PARD3: variants seen among roughly 807,000 people sequenced by gnomAD.
PARD3 encodes the protein partitioning defective 3 homolog.
PARD3 carries 75 observed loss-of-function variants against 155.4 expected under a neutral mutation model. The ratio of observed to expected loss-of-function variants is 0.48; its 90% CI spans 0.40 to 0.58. The LOEUF (loss-of-function observed/expected upper bound fraction) is 0.58, where lower values mean the gene tolerates loss of function less well. Among genes scored for constraint, PARD3 ranks in the 20% least tolerant of loss-of-function variants. The pLI is 0.00. For missense variants in PARD3, 1,642 were observed against 1,721.7 expected (o/e 0.95, Z 0.82); for synonymous variants, 576 against 610.5 (o/e 0.94, Z 0.83).
intron 2 of PARD3, among the ~76,000 whole-genome samples, chr10:34,595,133 A>G (rs1404041039): frequency 6.6e-6 from 1 of 152,256 alleles, no homozygotes; most frequent in African/African-American, 2.4e-5. Flanking sequence ...GCTTAAAAGT[A>G]AAAACATTCT....
At chr10:34,315,902 T>C (rs1039540242) in intron 20 of PARD3, among the ~76,000 whole-genome samples, 6 of 152,204 alleles carry the variant, frequency 3.9e-5, no homozygotes, top group African/African-American at 1.4e-4. Context: ...GGCTTTGTGT[T>C]AATATAAGTC....
At chr10:34,424,665 C>A (rs1261790065) in intron 5 of PARD3, among the ~76,000 whole-genome samples, 1 of 152,092 alleles carries the variant, frequency 6.6e-6, no homozygotes, top group African/African-American at 2.4e-5. Context: ...CAGGCGCGCA[C>A]CACCACGCCG....
At chr10:34,686,807 G>A (rs1272399540) in intron 2 of PARD3, among the ~76,000 whole-genome samples, 1 of 151,520 alleles carries the variant, frequency 6.6e-6, no homozygotes, top group Non-Finnish European at 1.5e-5. Context: ...CTAGCACTTT[G>A]GGAGGCTGAG....
chr10:34,466,255 G>T (rs986847296), intron 4 of PARD3, among the ~76,000 whole-genome samples: 1 of 151,994 alleles, frequency 6.6e-6, no homozygotes, highest in African/African-American at 2.4e-5. Context: ...GGGACCCTCG[G>T]CCTCTTCAGG....
At chr10:34,347,160 C>T (rs886426022) in intron 15 of PARD3, among the ~76,000 whole-genome samples, 1 of 152,178 alleles carries the variant, frequency 6.6e-6, no homozygotes, top group African/African-American at 2.4e-5. Flanking sequence ...GCAAAATATA[C>T]CAGTAATAAA....
At chr10:34,605,849 A>ATATCTCCTATATATATC in intron 2 of PARD3, among the ~76,000 whole-genome samples, 1 of 81,504 alleles carries the variant, frequency 1.2e-5, no homozygotes, top group African/African-American at 5.9e-5. Context: ...CTATATATAT[A>ATATCTCCTATATATATC]TATCTCCTAT....
intron 3 of PARD3, among the ~76,000 whole-genome samples, chr10:34,487,298 T>C (rs1362917119): frequency 4.6e-5 from 7 of 152,158 alleles, no homozygotes; most frequent in Non-Finnish European, 8.8e-5. Context: ...TTAGATCTGG[T>C]ACTTTCTCAT....
chr10:34,146,180 T>C (rs564309584), intron 22 of PARD3, among the ~76,000 whole-genome samples: 1 of 152,354 alleles, frequency 6.6e-6, no homozygotes, highest in South Asian at 2.1e-4. Context: ...GAAATAGCTT[T>C]ACTCTCTAAT....
intron 2 of PARD3, among the ~76,000 whole-genome samples, chr10:34,605,916 C>CTA (rs1169710402): frequency 1.2e-5 from 1 of 83,122 alleles, no homozygotes; most frequent in African/African-American, 5.0e-5. Context: ...TATATATCTC[C>CTA]TATATATATA....
intron 5 of PARD3, among the ~76,000 whole-genome samples, chr10:34,414,719 A>C (rs1845490627): frequency 6.6e-6 from 1 of 152,026 alleles, no homozygotes; most frequent in Non-Finnish European, 1.5e-5. Flanking sequence ...AGCAGAGAGG[A>C]CTCGAAACAT....
At chr10:34,532,524 G>C (rs552675555) in intron 2 of PARD3, among the ~76,000 whole-genome samples, 1 of 148,612 alleles carries the variant, frequency 6.7e-6, no homozygotes, top group East Asian at 1.9e-4. Flanking sequence ...TGAACTGTGT[G>C]AAGTGCTGCT....
intron 1 of PARD3, among the ~76,000 whole-genome samples, chr10:34,757,690 CAAGAAAAAAAAAAAGAA>C (rs1362938545): frequency 1.3e-5 from 2 of 149,462 alleles, no homozygotes; most frequent in Non-Finnish European, 3.0e-5. Flanking sequence ...AACCTGTCTC[CAAGAAAAAAAAAAAGAA>C]AAGAAAAGAA....
chr10:34,525,801 C>T (rs1358165595), intron 2 of PARD3, among the ~76,000 whole-genome samples: 1 of 151,712 alleles, frequency 6.6e-6, no homozygotes, highest in Non-Finnish European at 1.5e-5. Flanking sequence ...ATCAAAAGTC[C>T]ACCAGGCATG....
intron 22 of PARD3, among the ~76,000 whole-genome samples, chr10:34,183,169 T>A (rs1950340508): frequency 6.6e-6 from 1 of 152,172 alleles, no homozygotes; most frequent in South Asian, 2.1e-4. Flanking sequence ...AACGCATGAA[T>A]GAATCTCTGA....
intron 5 of PARD3, among the ~76,000 whole-genome samples, chr10:34,432,325 TACACGTGCACATAC>T (rs1564706775): frequency 8.4e-6 from 1 of 119,058 alleles, no homozygotes; most frequent in Non-Finnish European, 1.7e-5. Flanking sequence ...TAGAAAGATA[TACACGTGCACATAC>T]ACACACACAC....
intron 2 of PARD3, among the ~76,000 whole-genome samples, chr10:34,583,334 T>C (rs917499807): frequency 1.3e-5 from 2 of 152,196 alleles, no homozygotes; most frequent in Non-Finnish European, 2.9e-5. Flanking sequence ...AAGTGTTCTA[T>C]TCACAAAAAT....
intron 1 of PARD3, among the ~76,000 whole-genome samples, chr10:34,809,626 G>A (rs139182454): frequency 6.6e-6 from 1 of 152,330 alleles, no homozygotes; most frequent in African/African-American, 2.4e-5. Context: ...GGGTGGAGCA[G>A]CTGCAGAGGG....
At chr10:34,785,791 G>T (rs1343074028) in intron 1 of PARD3, among the ~76,000 whole-genome samples, 2 of 152,092 alleles carry the variant, frequency 1.3e-5, no homozygotes, top group African/African-American at 4.8e-5. Context: ...AATTTATCTA[G>T]ACATTAGGAA....
chr10:34,271,887 T>A (rs1483943228), intron 21 of PARD3, among the ~76,000 whole-genome samples: 1 of 152,202 alleles, frequency 6.6e-6, no homozygotes, highest in Non-Finnish European at 1.5e-5. Context: ...GTATTCTCCA[T>A]ATGCTGGCAA....
Sources: allele counts gnomAD v4.1 joint callset (sites outside exome capture counted in the v4.1 genomes callset), GRCh38; gene constraint gnomAD v4.1.1; transcripts MANE v1.5; gene names NCBI Gene and HGNC (gene_info 2026-07-23, HGNC 2026-07-21).